Variants in NCOA2 observed in about 807,000 individuals in gnomAD.
NCOA2 encodes nuclear receptor coactivator 2, also known as class E basic helix-loop-helix protein 75.
Under a neutral mutation model 145.1 loss-of-function variants are expected in NCOA2, and 21 were observed. The ratio of observed to expected loss-of-function variants is 0.14; its 90% CI spans 0.10 to 0.21. NCOA2 has a LOEUF of 0.21. Ranked by LOEUF, NCOA2 falls within the 10% of genes least tolerant of loss-of-function variation. NCOA2 has a pLI of 1.00. For missense variants in NCOA2, 1,472 were observed against 1,837.6 expected (o/e 0.80, Z 3.64); for synonymous variants, 619 against 637.5 (o/e 0.97, Z 0.44).
intron 2 of NCOA2, among the ~76,000 whole-genome samples, chr8:70,241,998 T>G (rs555407460): frequency 6.6e-6 from 1 of 152,238 alleles, no homozygotes; most frequent in East Asian, 1.9e-4. Context: ...AAAGCAAAAT[T>G]TGGAAAAACC....
At chr8:70,356,663 C>T (rs1046651094) in intron 1 of NCOA2, among the ~76,000 whole-genome samples, 6 of 152,164 alleles carry the variant, frequency 3.9e-5, no homozygotes, top group African/African-American at 9.7e-5. Context: ...AAAAGCAGAA[C>T]GCTTTTCCTA....
At chr8:70,301,843 C>T (rs185014371) in intron 1 of NCOA2, among the ~76,000 whole-genome samples, 7 of 151,996 alleles carry the variant, frequency 4.6e-5, no homozygotes, top group Admixed American at 1.3e-4. Flanking sequence ...TTAATCAAGC[C>T]AGCCAGACAG....
chr8:70,270,758 T>C (rs1824986966), intron 2 of NCOA2, among the ~76,000 whole-genome samples: 1 of 152,220 alleles, frequency 6.6e-6, no homozygotes, highest in Non-Finnish European at 1.5e-5. Context: ...GTTGCTCTCA[T>C]TAAAGAAACT....
At chr8:70,413,097 CAA>C in the NCOA2 span, among the ~76,000 whole-genome samples, 31 of 59,336 alleles carry the variant, frequency 5.2e-4, no homozygotes, top group Admixed American at 7.4e-4. Flanking sequence ...GACTCCGTCT[CAA>C]AAAAAAAAAA....
chr8:70,379,887 A>C (rs1812039417), intron 1 of NCOA2, among the ~76,000 whole-genome samples: 1 of 152,132 alleles, frequency 6.6e-6, no homozygotes, highest in Admixed American at 6.6e-5. Context: ...TACAAAAATG[A>C]CGCATGGCTG....
chr8:70,240,097 T>C (rs1821996963), intron 2 of NCOA2, among the ~76,000 whole-genome samples: 1 of 152,204 alleles, frequency 6.6e-6, no homozygotes, highest in African/African-American at 2.4e-5. Context: ...AGAAGCTCTG[T>C]TGAGAAGGGC....
intron 1 of NCOA2, among the ~76,000 whole-genome samples, chr8:70,338,257 C>T (rs552832116): frequency 7.8e-4 from 118 of 151,984 alleles, no homozygotes; most frequent in African/African-American, 2.5e-3. Flanking sequence ...AATAATAAGG[C>T]GATTATCACA....
chr8:70,287,033 G>A (rs1032964649), intron 2 of NCOA2, among the ~76,000 whole-genome samples: 6 of 152,098 alleles, frequency 3.9e-5, no homozygotes, highest in South Asian at 4.1e-4. Context: ...ACTTGAGCCC[G>A]GGAGTTAGAG....
chr8:70,143,873 T>C (rs1002308211), intron 13 of NCOA2, among the ~76,000 whole-genome samples: 9 of 152,226 alleles, frequency 5.9e-5, no homozygotes, highest in African/African-American at 2.2e-4. Flanking sequence ...GTGAGCAGCT[T>C]TGCATTAGAA....
At chr8:70,342,775 AC>A (rs1209128230) in intron 1 of NCOA2, among the ~76,000 whole-genome samples, 236 of 9,230 alleles carry the variant, frequency 0.026, 10 homozygotes, top group East Asian at 0.23. Context: ...TTTTGCAATT[AC>A]ACACACACAC....
chr8:70,132,381 G>A (rs1029003671), intron 15 of NCOA2, among the ~76,000 whole-genome samples: 1 of 152,162 alleles, frequency 6.6e-6, no homozygotes, highest in African/African-American at 2.4e-5. Flanking sequence ...GGACTTTTCT[G>A]CCCTTTAGTA....
intron 1 of NCOA2, among the ~76,000 whole-genome samples, chr8:70,355,066 G>A (rs767707485): frequency 3.9e-5 from 6 of 152,116 alleles, no homozygotes; most frequent in Admixed American, 6.5e-5. Context: ...TATTTTAAAC[G>A]CAAATTCAAC....
At chr8:70,185,077 C>A (rs538387559) in intron 4 of NCOA2, among the ~76,000 whole-genome samples, 2 of 152,298 alleles carry the variant, frequency 1.3e-5, no homozygotes, top group South Asian at 4.1e-4. Context: ...TCTCTACAGA[C>A]ACAGGATCTG....
chr8:70,273,712 G>A, intron 2 of NCOA2: 1 of 629,570 alleles, frequency 1.6e-6, no homozygotes, highest in Admixed American at 1.8e-5. Flanking sequence ...CTAGTTTAAG[G>A]ACTGGCTGAA....
chr8:70,346,783 C>A (rs1808696794), intron 1 of NCOA2, among the ~76,000 whole-genome samples: 1 of 152,162 alleles, frequency 6.6e-6, no homozygotes, highest in Non-Finnish European at 1.5e-5. Flanking sequence ...TGCAGAGAAA[C>A]CTAACTTTTG....
intron 1 of NCOA2, among the ~76,000 whole-genome samples, chr8:70,328,466 A>C (rs1173408045): frequency 1.3e-5 from 2 of 152,194 alleles, no homozygotes; most frequent in Non-Finnish European, 2.9e-5. Context: ...ATAGACATTT[A>C]CCATCTTAAA....
chr8:70,215,065 CA>C (rs1336962029), intron 3 of NCOA2, among the ~76,000 whole-genome samples: 7 of 152,106 alleles, frequency 4.6e-5, no homozygotes, highest in Middle Eastern at 3.4e-3. Flanking sequence ...AGTGTTTATA[CA>C]ATTTGTCCAG....
chr8:70,241,322 A>T (rs973500625), intron 2 of NCOA2, among the ~76,000 whole-genome samples: 2 of 152,164 alleles, frequency 1.3e-5, no homozygotes, highest in Non-Finnish European at 2.9e-5. Context: ...GGCAATTCAT[A>T]GTCACTCTGT....
At chr8:70,389,888 A>T (rs1387510774) in intron 1 of NCOA2, among the ~76,000 whole-genome samples, 1 of 150,878 alleles carries the variant, frequency 6.6e-6, no homozygotes, top group East Asian at 2.0e-4. Context: ...CTGGTCTCGA[A>T]CTCCTGACCT....
Sources: allele counts gnomAD v4.1 joint callset (sites outside exome capture counted in the v4.1 genomes callset), GRCh38; gene constraint gnomAD v4.1.1; transcripts MANE v1.5; gene names NCBI Gene and HGNC (gene_info 2026-07-23, HGNC 2026-07-21).